Variants in AKT3 observed in about 807,000 individuals in gnomAD.
AKT3 encodes the protein AKT serine/threonine kinase 3, also known as RAC-gamma serine/threonine-protein kinase.
In AKT3, 15 loss-of-function variants were observed where a neutral mutation model predicts 65.3. The ratio of observed to expected loss-of-function variants is 0.23; its 90% confidence interval spans 0.15 to 0.35. The LOEUF is 0.35. AKT3 is among the 10% of genes least tolerant of loss of function. The pLI is 1.00. For missense variants in AKT3, 243 were observed against 576.5 expected, an observed-to-expected ratio of 0.42 and a Z score of 5.92; for synonymous variants, 206 against 183.8, an observed-to-expected ratio of 1.12 and a Z score of -0.98.
intron 2 of AKT3, among the ~76,000 whole-genome samples, chr1:243,757,607 G>T (rs957649720): frequency 2.0e-5 from 3 of 151,874 alleles, no homozygotes; most frequent in Non-Finnish European, 4.4e-5. Flanking sequence ...AGCAAAGAGC[G>T]AAACTCCATC....
At chr1:243,773,955 T>C (rs1029167118) in intron 2 of AKT3, among the ~76,000 whole-genome samples, 1 of 152,148 alleles carries the variant, frequency 6.6e-6, no homozygotes, top group Non-Finnish European at 1.5e-5. Context: ...ATTTTTAAGA[T>C]AACTTAACAA....
chr1:243,766,409 G>C (rs1689828307), intron 2 of AKT3, among the ~76,000 whole-genome samples: 1 of 152,180 alleles, frequency 6.6e-6, no homozygotes, highest in African/African-American at 2.4e-5. Flanking sequence ...CTTTAATAGA[G>C]AATCTACTGT....
chr1:243,663,017 A>G (rs922337063), intron 4 of AKT3, among the ~76,000 whole-genome samples: 1 of 152,234 alleles, frequency 6.6e-6, no homozygotes, highest in Non-Finnish European at 1.5e-5. Flanking sequence ...AAATCCACTA[A>G]GAATAACATT....
At chr1:243,664,297 T>C (rs923342320) in intron 4 of AKT3, among the ~76,000 whole-genome samples, 8 of 143,118 alleles carry the variant, frequency 5.6e-5, no homozygotes, top group African/African-American at 1.8e-4. Context: ...CCTGGGTTCA[T>C]GCCATTCTCC....
At chr1:243,804,047 C>T (rs1241153058) in intron 2 of AKT3, among the ~76,000 whole-genome samples, 1 of 152,172 alleles carries the variant, frequency 6.6e-6, no homozygotes, top group African/African-American at 2.4e-5. Context: ...CAGAAGAAGA[C>T]CCTTGACATC....
At chr1:243,788,853 A>AC (rs1301432336) in intron 2 of AKT3, 1 of 152,298 alleles carries the variant, frequency 6.6e-6, no homozygotes, top group Non-Finnish European at 1.5e-5. Context: ...AAAGTTTGCC[A>AC]CATCAATTGA....
intron 4 of AKT3, among the ~76,000 whole-genome samples, chr1:243,664,185 CTTTTTTTTTTTTT>C (rs34578718): frequency 1.5e-4 from 9 of 60,012 alleles, no homozygotes; most frequent in African/African-American, 4.3e-4. Flanking sequence ...ATAAAAATGT[CTTTTTTTTTTTTT>C]TTTTTTTTTT....
chr1:243,624,279 G>T (rs1031230354), intron 6 of AKT3, among the ~76,000 whole-genome samples: 1 of 152,150 alleles, frequency 6.6e-6, no homozygotes, highest in Admixed American at 6.6e-5. Context: ...AGAAATGACA[G>T]ACCAAAATCT....
intron 8 of AKT3, among the ~76,000 whole-genome samples, chr1:243,574,843 G>A (rs879409989): frequency 3.3e-5 from 5 of 151,834 alleles, no homozygotes; most frequent in African/African-American, 4.8e-5. Context: ...ATAGTGATTA[G>A]GTTTCTAAAT....
At chr1:243,690,325 A>G (rs186983043) in intron 3 of AKT3, among the ~76,000 whole-genome samples, 17 of 152,298 alleles carry the variant, frequency 1.1e-4, no homozygotes, top group Middle Eastern at 3.4e-3. Context: ...TGTTAGCAAG[A>G]CCATGACTCC....
intron 1 of AKT3, 60 bp downstream of exon 1, chr1:243,849,980 G>GCCCGGGT (rs1468251888): frequency 1.0e-6 from 1 of 969,248 alleles, no homozygotes; most frequent in Non-Finnish European, 1.2e-6. Context: ...GGGGCCCGGG[G>GCCCGGGT]CCCGGAGGGA....
Position 243,555,120 on chromosome 1 carries a change from A to C in AKT3, c.949-2177T>G, listed in dbSNP as rs115388852. On this transcript the variant is annotated intron_variant, in intron 10 of 13. Transcript: ENST00000673466. ...CGTGCCTTAATTGATCTACAGATAC[A>C]TAATGCTATAATTAGAACTGTTTGC... Among the ~76,000 whole-genome samples, 616 of 152,312 alleles carry C rather than the reference A, an allele frequency of 4.0e-3. 3 individuals are homozygous for C. The highest frequency in any genetic ancestry group is 6.0e-3 in the Non-Finnish European group (410 of 68,008).
At chr1:243,819,539 G>A (rs915527596) in intron 2 of AKT3, among the ~76,000 whole-genome samples, 3 of 152,212 alleles carry the variant, frequency 2.0e-5, no homozygotes, top group Non-Finnish European at 4.4e-5. Context: ...TGTCTCTGTG[G>A]ATCAGCAGAC....
intron 3 of AKT3, among the ~76,000 whole-genome samples, chr1:243,678,836 G>A (rs189712976): frequency 7.2e-5 from 11 of 152,158 alleles, no homozygotes; most frequent in South Asian, 4.1e-4. Flanking sequence ...TTCTAATAAC[G>A]TTTATACACA....
chr1:243,653,546 C>T (rs1276604090), intron 4 of AKT3, among the ~76,000 whole-genome samples: 3 of 152,104 alleles, frequency 2.0e-5, no homozygotes, highest in Admixed American at 6.6e-5. Context: ...ATCAATGTAC[C>T]ATGCTTACTT....
At chr1:243,526,105 T>C (rs567562606) in intron 12 of AKT3, among the ~76,000 whole-genome samples, 2 of 151,984 alleles carry the variant, frequency 1.3e-5, no homozygotes, top group African/African-American at 4.8e-5. Context: ...GAGCTAGTTA[T>C]GTTGTCTCTG....
At chr1:243,592,937 G>A (rs1173297661) in intron 8 of AKT3, among the ~76,000 whole-genome samples, 1 of 152,108 alleles carries the variant, frequency 6.6e-6, no homozygotes, top group Non-Finnish European at 1.5e-5. Context: ...CTTGAAGGAG[G>A]AAATAAAAGT....
intron 8 of AKT3, among the ~76,000 whole-genome samples, chr1:243,587,484 C>T (rs1675896288): frequency 6.6e-6 from 1 of 151,928 alleles, no homozygotes; most frequent in African/African-American, 2.4e-5. Context: ...TGGTGGCGGG[C>T]GCTGTAATCC....
At chr1:243,602,960 G>C (rs1337938108) in intron 8 of AKT3, among the ~76,000 whole-genome samples, 1 of 152,142 alleles carries the variant, frequency 6.6e-6, no homozygotes, top group African/African-American at 2.4e-5. Context: ...GAAGCTATGA[G>C]TAAGATTTTG....
Sources: gnomAD v4.1 joint callset for allele counts (sites outside exome capture counted in the v4.1 genomes callset) on GRCh38, gnomAD v4.1.1 for gene constraint, MANE v1.5 for transcripts, NCBI Gene and HGNC (gene_info 2026-07-23, HGNC 2026-07-21) for gene names.